Variants in ZNF782 observed in about 807,000 individuals in gnomAD.
ZNF782 encodes the protein zinc finger protein 782.
ZNF782 carries 12 observed loss-of-function variants against 13.0 expected under a neutral mutation model. The observed-to-expected ratio is 0.92, with a 90% confidence interval of 0.59 to 1.50. The LOEUF is 1.50. Among genes scored for constraint, ZNF782 ranks in the 40% most tolerant of loss-of-function variants. The pLI is 0.00. For synonymous variants in ZNF782, 284 were observed against 283.0 expected (o/e 1.00, Z -0.04); for missense variants, 770 against 822.9 (o/e 0.94, Z 0.79).
Position 96,826,708 on chromosome 9 carries a change from T to C in ZNF782, c.244+372A>G, listed in dbSNP as rs1250540440. On this transcript the variant is annotated intron_variant, in intron 5 of 5. Coordinates refer to ENST00000481138, the MANE Select transcript of ZNF782 (RefSeq NM_001001662.3). ...GCCGAGGGGCTCACCGTGCCAGCCC[T>C]GCACAAACAATATGATAGGGAACAC... Among the ~76,000 whole-genome samples, 4 of 152,282 alleles carry C rather than the reference T, an allele frequency of 2.6e-5. No homozygotes were observed. The East Asian group carries it at 5.8e-4, about 22-fold the overall frequency.
chr9:96,842,188 C>T (rs1166932329), intron 4 of ZNF782, among the ~76,000 whole-genome samples: 2 of 151,862 alleles, frequency 1.3e-5, no homozygotes, highest in African/African-American at 4.8e-5. Flanking sequence ...AGCAAGAAAT[C>T]AAGATCTAAG....
At chr9:96,846,809 A>G (rs1394275468) in intron 3 of ZNF782, among the ~76,000 whole-genome samples, 2 of 152,180 alleles carry the variant, frequency 1.3e-5, no homozygotes, top group Non-Finnish European at 2.9e-5. Context: ...CAAAGAAACA[A>G]TCGACTTAAA....
chr9:96,846,014 C>T (rs1488030253), intron 3 of ZNF782, among the ~76,000 whole-genome samples: 2 of 152,150 alleles, frequency 1.3e-5, no homozygotes, highest in African/African-American at 2.4e-5. Flanking sequence ...CAGCAGAAAC[C>T]TCACAAGAAA....
intron 4 of ZNF782, among the ~76,000 whole-genome samples, chr9:96,842,892 T>G (rs2406184): frequency 2.6e-5 from 4 of 151,900 alleles, no homozygotes; most frequent in African/African-American, 9.7e-5. Context: ...ACAAAAGCCA[T>G]GAACAGACAT....
chr9:96,873,273 G>T (rs191809510), intron 1 of ZNF782, among the ~76,000 whole-genome samples: 2 of 152,264 alleles, frequency 1.3e-5, no homozygotes, highest in East Asian at 3.9e-4. Context: ...AGTCTATCAT[G>T]AATCCCTGTT....
the ZNF782 span, among the ~76,000 whole-genome samples, chr9:96,905,753 T>G: frequency 6.6e-6 from 1 of 152,210 alleles, no homozygotes; most frequent in African/African-American, 2.4e-5. Context: ...GCCCAGCTAA[T>G]TTTTGTATTT....
At chr9:96,932,978 CTTTTTTTTTTTT>C in the ZNF782 span, among the ~76,000 whole-genome samples, 1 of 129,430 alleles carries the variant, frequency 7.7e-6, no homozygotes. Context: ...CTTTTCTTTT[CTTTTTTTTTTTT>C]TTTTTGAGAT....
At position 96,817,876 on chromosome 9, in the gene ZNF782, T is replaced by C. The variant is rs1850220515; in HGVS notation, c.*47A>G. 2.0e-6 allele frequency: 3 copies of C among 1,488,438 alleles called. No homozygotes were observed. Among genetic ancestry groups the C allele is most frequent in the Non-Finnish European group, 2.7e-6 (3 of 1,110,918 alleles). The allele number at this position is 1,488,438 out of a possible 1,614,324, so 92.2% of individuals were successfully genotyped here. A position where few individuals can be genotyped will look rare whatever the true frequency, so the allele number is the denominator to read the frequency against. The stretch of plus-strand genomic sequence containing the variant: ...GTGTGTTCATTTATGTATTGTGAGG[T>C]TTGATTTCCAGCTCAGAGTTTTTTC... On this transcript the variant is annotated 3_prime_UTR_variant, in exon 6 of 6. Coordinates refer to ENST00000481138, the MANE Select transcript of ZNF782 (RefSeq NM_001001662.3).
the ZNF782 span, among the ~76,000 whole-genome samples, chr9:96,886,146 C>T: frequency 6.6e-6 from 1 of 151,696 alleles, no homozygotes; most frequent in Non-Finnish European, 1.5e-5. Flanking sequence ...TCACACCTGG[C>T]CCAACATTTT....
At chr9:96,932,005 G>C in the ZNF782 span, 2 of 1,610,150 alleles carry the variant, frequency 1.2e-6, no homozygotes, top group African/African-American at 1.3e-5. Context: ...CACAGACCTT[G>C]ATCCTAACTC....
At chr9:96,828,870 G>A (rs1341124491) in intron 4 of ZNF782, among the ~76,000 whole-genome samples, 1 of 151,710 alleles carries the variant, frequency 6.6e-6, no homozygotes, top group Non-Finnish European at 1.5e-5. Context: ...TCACACCAAT[G>A]TACATTATAA....
the ZNF782 span, among the ~76,000 whole-genome samples, chr9:96,917,289 G>A: frequency 6.9e-6 from 1 of 145,616 alleles, no homozygotes; most frequent in African/African-American, 2.5e-5. Flanking sequence ...ATCTAGAAAT[G>A]TATTCAAATG....
intron 5 of ZNF782, among the ~76,000 whole-genome samples, chr9:96,825,186 T>C (rs1373193100): frequency 4.6e-5 from 7 of 152,004 alleles, no homozygotes; most frequent in East Asian, 1.9e-4. Flanking sequence ...CAAAACAGCA[T>C]GGTACTGGTA....
chr9:96,902,906 G>A, the ZNF782 span: 3 of 150,820 alleles, frequency 2.0e-5, no homozygotes, highest in East Asian at 1.9e-4. Flanking sequence ...GGGTTCCAGC[G>A]ATCCTCCCAC....
In ZNF782 at chr9:96,819,566, G is replaced by A. The variant is rs1850335987; in HGVS notation, c.457C>T (p.Pro153Ser). 1 of 1,613,324 alleles carries A rather than the reference G, an allele frequency of 6.2e-7. No individual in the cohort carries two copies. Among genetic ancestry groups the A allele is most frequent in the Admixed American group, 1.7e-5 (1 of 59,898 alleles). The change falls in exon 6 of 6, where the codon CCA (proline) becomes TCA (serine). Residue 153 changes from proline (P) to serine (S), a missense_variant. Transcript: ENST00000481138. ...SACQGLSLMA[P>S]HCQYSKEKAH... ...TTTTCTTTTGAATACTGACAGTGTGGGGCCATCAGGCTGAGCCCCTGGCAA... is the reference window on the plus strand; with the variant it reads ...TTTTCTTTTGAATACTGACAGTGTGAGGCCATCAGGCTGAGCCCCTGGCAA...
the ZNF782 span, among the ~76,000 whole-genome samples, chr9:96,926,455 G>A: frequency 3.9e-5 from 6 of 152,250 alleles, no homozygotes; most frequent in Admixed American, 6.5e-5. Flanking sequence ...AGCTAAGATC[G>A]AGGTAGAGTT....
chr9:96,864,095 TTATA>T (rs1851733121), intron 1 of ZNF782, among the ~76,000 whole-genome samples: 1 of 149,090 alleles, frequency 6.7e-6, no homozygotes, highest in Non-Finnish European at 1.5e-5. Context: ...ATATATTTGT[TTATA>T]TATAAATATA....
Position 96,818,277 on chromosome 9 carries a change from T to C in ZNF782, c.1746A>G (p.Arg582=). ...GATAGGGTTTCTCCCCAGTATGAGT[T>C]CTGTGATGTACTCTGAGGTTTGATT... ...SQKSNLRVHH[R]THTGEKPYQC... Residue 582 remains arginine, a synonymous_variant, in exon 6 of 6, where the codon AGA becomes AGG. Coordinates refer to ENST00000481138, the MANE Select transcript of ZNF782 (RefSeq NM_001001662.3). The C allele has an allele frequency of 1.2e-6, 2 of 1,614,124 alleles. No homozygotes were observed. The highest frequency in any genetic ancestry group is 1.1e-5 in the South Asian group (1 of 91,084).
chr9:96,840,821 A>T (rs1851165552), intron 4 of ZNF782, among the ~76,000 whole-genome samples: 1 of 152,068 alleles, frequency 6.6e-6, no homozygotes, highest in South Asian at 2.1e-4. Flanking sequence ...AAAAGTCTCA[A>T]ATTAATAGTG....
Sources: allele counts gnomAD v4.1 joint callset (sites outside exome capture counted in the v4.1 genomes callset), GRCh38; gene constraint gnomAD v4.1.1; transcripts MANE v1.5; gene names NCBI Gene and HGNC (gene_info 2026-07-23, HGNC 2026-07-21).